The following SATB2 variants were observed in gnomAD, a reference collection of about 807,000 sequenced individuals.
SATB2 encodes SATB homeobox 2.
Under a neutral mutation model 73.4 loss-of-function variants are expected in SATB2, and 1 was observed. The observed-to-expected ratio is 0.01, with a 90% confidence interval of 0.00 to 0.06. The LOEUF is 0.06. Among genes scored for constraint, SATB2 ranks in the 10% least tolerant of loss-of-function variants. The pLI is 1.00. For missense variants in SATB2, 459 were observed against 945.8 expected (o/e 0.49, Z 6.75); for synonymous variants, 397 against 367.0 (o/e 1.08, Z -0.93).
At chr2:199,305,745 C>T (rs983218053) in intron 10 of SATB2, among the ~76,000 whole-genome samples, 3 of 152,100 alleles carry the variant, frequency 2.0e-5, no homozygotes, top group Non-Finnish European at 2.9e-5. Context: ...TACCCTAATA[C>T]AACAGATTAA....
chr2:199,429,005 C>CAAAAAAAA (rs575684723), intron 3 of SATB2, among the ~76,000 whole-genome samples: 4 of 62,524 alleles, frequency 6.4e-5, no homozygotes, highest in African/African-American at 1.0e-4. Flanking sequence ...GACTCTGTCT[C>CAAAAAAAA]AAAAAAAAAA....
chr2:199,309,418 T>A (rs371844777), intron 9 of SATB2, among the ~76,000 whole-genome samples: 1 of 152,166 alleles, frequency 6.6e-6, no homozygotes, highest in Non-Finnish European at 1.5e-5. Context: ...AGGGAGGAAA[T>A]ATTCTTAAAA....
intron 7 of SATB2, 187 bp from the exon 8 acceptor site, chr2:199,329,097 T>A: frequency 1.5e-6 from 1 of 652,948 alleles, no homozygotes; most frequent in Non-Finnish European, 2.8e-6. Context: ...GGATATGCAT[T>A]ATTTTAGGAC....
rs1260646705 is a variant in SATB2 at position 199,308,057 on chromosome 2, A to C, written c.1740+703T>G. Among the ~76,000 whole-genome samples the C allele has an allele frequency of 3.3e-5, 5 of 152,130 alleles. No homozygotes were observed. The highest frequency in any genetic ancestry group is 3.3e-4 in the Admixed American group (5 of 15,274). ...AACTCTAGGGGGTCTAACGTTGGAA[A>C]CCTCAACTAATATTTCTTCTTAAAA... On this transcript the variant is annotated intron_variant, in intron 10 of 10. Transcript: ENST00000417098. The surrounding 1 kb of genome is among the most constrained non-coding windows in gnomAD (Gnocchi z 4.6).
At chr2:199,335,578 C>T (rs2105805490) in intron 7 of SATB2, among the ~76,000 whole-genome samples, 1 of 152,246 alleles carries the variant, frequency 6.6e-6, no homozygotes, top group South Asian at 2.1e-4. Flanking sequence ...TTGCACTTAG[C>T]GGCCAGTTGG....
chr2:199,435,576 TC>T (rs1279557191), intron 2 of SATB2, among the ~76,000 whole-genome samples: 2 of 152,222 alleles, frequency 1.3e-5, no homozygotes, highest in East Asian at 3.9e-4. Context: ...ACTCCTAACC[TC>T]AGGTGATCCA....
intron 10 of SATB2, among the ~76,000 whole-genome samples, chr2:199,295,582 T>G (rs1372355846): frequency 6.6e-6 from 1 of 152,172 alleles, no homozygotes; most frequent in African/African-American, 2.4e-5. Flanking sequence ...TCCAGCATAC[T>G]CTGACTCTAC....
intron 2 of SATB2, among the ~76,000 whole-genome samples, chr2:199,453,831 T>A (rs1015103437): frequency 5.3e-5 from 8 of 152,022 alleles, no homozygotes; most frequent in Non-Finnish European, 1.2e-4. Context: ...TTTAAAAAAA[T>A]TTAAATTCCA....
intron 3 of SATB2, among the ~76,000 whole-genome samples, chr2:199,418,407 T>A (rs1271609562): frequency 6.6e-6 from 1 of 152,174 alleles, no homozygotes; most frequent in African/African-American, 2.4e-5. Flanking sequence ...CTTATCCACT[T>A]CTTAGGGGAA....
chr2:199,281,065 G>A (rs1356022466), intron 10 of SATB2, among the ~76,000 whole-genome samples: 1 of 151,940 alleles, frequency 6.6e-6, no homozygotes, highest in Non-Finnish European at 1.5e-5. Flanking sequence ...CAGACTGGCC[G>A]ACACTTAGGG....
At chr2:199,402,223 A>G (rs1690502757) in intron 3 of SATB2, among the ~76,000 whole-genome samples, 1 of 152,090 alleles carries the variant, frequency 6.6e-6, no homozygotes, top group Non-Finnish European at 1.5e-5. Flanking sequence ...CGTCTCTACT[A>G]AAAATACAAA....
At chr2:199,275,902 T>A (rs1692299201) in intron 10 of SATB2, among the ~76,000 whole-genome samples, 1 of 152,170 alleles carries the variant, frequency 6.6e-6, no homozygotes, top group African/African-American at 2.4e-5. Flanking sequence ...TACTGACACT[T>A]TTCTTTGGCT....
At chr2:199,339,862 C>G (rs1465398380) in intron 7 of SATB2, among the ~76,000 whole-genome samples, 33 of 152,180 alleles carry the variant, frequency 2.2e-4, no homozygotes. Flanking sequence ...TGACTGGTAA[C>G]ACACTGAAGC....
intron 6 of SATB2, among the ~76,000 whole-genome samples, chr2:199,363,542 G>A (rs760370058): frequency 3.3e-5 from 5 of 152,266 alleles, no homozygotes; most frequent in Admixed American, 6.5e-5. Flanking sequence ...TCAGTGAGGC[G>A]AAACAAGTGG....
At chr2:199,286,527 C>CGG (rs1692692843) in intron 10 of SATB2, among the ~76,000 whole-genome samples, 1 of 152,052 alleles carries the variant, frequency 6.6e-6, no homozygotes, top group Admixed American at 6.5e-5. Context: ...TTGGGAAGAC[C>CGG]GGACCCTTTA....
chr2:199,345,504 C>G (rs1688625214), intron 7 of SATB2, among the ~76,000 whole-genome samples: 1 of 148,168 alleles, frequency 6.7e-6, no homozygotes, highest in Non-Finnish European at 1.5e-5. Context: ...TCAAAATAAC[C>G]CAATCTAAAA....
At chr2:199,426,692 C>CAAAAAAAAAAAAAAAAAA (rs200293007) in intron 3 of SATB2, among the ~76,000 whole-genome samples, 1 of 128,274 alleles carries the variant, frequency 7.8e-6, no homozygotes, top group African/African-American at 3.3e-5. Flanking sequence ...CATTCTCTCT[C>CAAAAAAAAAAAAAAAAAA]AAAAAAAAAA....
chr2:199,279,170 A>C (rs2105718899), intron 10 of SATB2, among the ~76,000 whole-genome samples: 1 of 152,372 alleles, frequency 6.6e-6, no homozygotes, highest in South Asian at 2.1e-4. Flanking sequence ...AATATACTCA[A>C]AAGAGACATT....
intron 6 of SATB2, among the ~76,000 whole-genome samples, chr2:199,365,998 T>G (rs1360845097): frequency 6.6e-6 from 1 of 152,142 alleles, no homozygotes; most frequent in Non-Finnish European, 1.5e-5. Context: ...AGCAACCACT[T>G]AGTTCCCACT....
Sources: gnomAD v4.1 joint callset for allele counts (sites outside exome capture counted in the v4.1 genomes callset) on GRCh38, gnomAD v4.1.1 for gene constraint, Gnocchi (gnomAD v3.1) non-coding constraint, MANE v1.5 for transcripts, NCBI Gene and HGNC (gene_info 2026-07-23, HGNC 2026-07-21) for gene names.